EYA4: variants seen among roughly 807,000 people sequenced by gnomAD.
EYA4 encodes the protein protein phosphatase EYA4.
Under a neutral mutation model 87.9 loss-of-function variants are expected in EYA4, and 31 were observed. The ratio of observed to expected loss-of-function variants is 0.35; its 90% CI spans 0.27 to 0.48. The LOEUF (loss-of-function observed/expected upper bound fraction) is 0.48, where lower values mean the gene tolerates loss of function less well. Ranked by LOEUF, EYA4 falls within the 20% of genes least tolerant of loss-of-function variation. EYA4 has a pLI of 0.99. For missense variants in EYA4, 678 were observed against 761.4 expected (o/e 0.89, Z 1.29); for synonymous variants, 263 against 270.6 (o/e 0.97, Z 0.28).
At chr6:133,519,979 G>A (rs560140331) in intron 17 of EYA4, among the ~76,000 whole-genome samples, 10 of 152,134 alleles carry the variant, frequency 6.6e-5, no homozygotes, top group African/African-American at 1.7e-4. Flanking sequence ...TTGATGGGAC[G>A]TATTTCAAAA....
chr6:133,251,514 T>C (rs1774900863), intron 1 of EYA4, among the ~76,000 whole-genome samples: 1 of 152,230 alleles, frequency 6.6e-6, no homozygotes, highest in Non-Finnish European at 1.5e-5. Context: ...GTCTCATTTT[T>C]ACAGCTTGTC....
At chr6:133,297,955 A>C (rs577714168) in intron 2 of EYA4, among the ~76,000 whole-genome samples, 2 of 152,254 alleles carry the variant, frequency 1.3e-5, no homozygotes, top group Admixed American at 1.3e-4. Context: ...TTGTTGCCTG[A>C]ATTACTTATT....
chr6:133,388,494 A>T (rs1583144011), intron 3 of EYA4, among the ~76,000 whole-genome samples: 1 of 151,680 alleles, frequency 6.6e-6, no homozygotes, highest in African/African-American at 2.4e-5. Flanking sequence ...CCAGTAGCTC[A>T]TTGGGAACTC....
intron 2 of EYA4, among the ~76,000 whole-genome samples, chr6:133,350,961 G>A (rs184208365): frequency 1.5e-4 from 22 of 150,972 alleles, no homozygotes; most frequent in Non-Finnish European, 2.1e-4. Context: ...TTATTTCTGG[G>A]CCTATTTCTA....
At chr6:133,314,842 T>G (rs1373334696) in intron 2 of EYA4, among the ~76,000 whole-genome samples, 2 of 152,192 alleles carry the variant, frequency 1.3e-5, no homozygotes, top group East Asian at 3.8e-4. Context: ...CACCCTCCTT[T>G]TAGTAGCTGG....
chr6:133,372,427 T>G lies in EYA4; in HGVS notation c.34-9965T>G, dbSNP rs1421676189. ...TTTAGGATTAAAACCTGAGAAAAGG[T>G]GATTTGTAATCTTTTTTTATAACAA... On this transcript the variant is annotated intron_variant, in intron 2 of 19. Coordinates refer to ENST00000355286, the MANE Select transcript of EYA4 (RefSeq NM_004100.5). 2.0e-5 allele frequency among the ~76,000 whole-genome samples: 3 copies of G among 151,372 alleles called. No homozygotes were observed. The South Asian group carries it at 6.2e-4, about 31-fold the overall frequency.
At chr6:133,274,430 A>G (rs1776999185) in intron 1 of EYA4, among the ~76,000 whole-genome samples, 2 of 152,236 alleles carry the variant, frequency 1.3e-5, no homozygotes, top group Admixed American at 6.5e-5. Context: ...TCAGTAAAAT[A>G]GTGTATTAAC....
intron 2 of EYA4, among the ~76,000 whole-genome samples, chr6:133,299,718 ATAAAATAAAAT>A (rs1166556703): frequency 2.4e-5 from 1 of 41,740 alleles, no homozygotes; most frequent in Admixed American, 2.5e-4. Context: ...TCTCAAAAAA[ATAAAATAAAAT>A]AAAATAAAAT....
intron 3 of EYA4, among the ~76,000 whole-genome samples, chr6:133,389,223 A>G (rs1787043637): frequency 6.6e-6 from 1 of 152,210 alleles, no homozygotes; most frequent in Admixed American, 6.5e-5. Context: ...AAACTGTGAT[A>G]TGAAAGGAGA....
chr6:133,381,064 GT>G (rs1237546958), intron 2 of EYA4, among the ~76,000 whole-genome samples: 3,196 of 99,342 alleles, frequency 0.032, 89 homozygotes, highest in African/African-American at 0.099. Context: ...CTGTGAAACC[GT>G]TTTTTTTTTC....
Position 133,516,173 on chromosome 6 carries a change from G to T in EYA4, c.1616+738G>T, listed in dbSNP as rs536520907. 2.0e-5 allele frequency among the ~76,000 whole-genome samples: 3 copies of T among 152,120 alleles called. No individual in the cohort carries two copies. In the South Asian group the frequency reaches 6.2e-4, roughly 32 times the overall value. On this transcript the variant is annotated intron_variant, in intron 17 of 19. Coordinates refer to ENST00000355286, the MANE Select transcript of EYA4 (RefSeq NM_004100.5). ...TAAATAAAAGCATGCTTAATAAGTG[G>T]GAGCTAAATGATGAGAACTCATGGA...
intron 2 of EYA4, among the ~76,000 whole-genome samples, chr6:133,365,176 G>T (rs959923727): frequency 1.3e-5 from 2 of 152,102 alleles, no homozygotes; most frequent in African/African-American, 4.8e-5. Flanking sequence ...TTAGGATATT[G>T]ATCGCTTGGT....
intron 2 of EYA4, among the ~76,000 whole-genome samples, chr6:133,379,650 G>T (rs762270568): frequency 9.2e-5 from 14 of 152,060 alleles, no homozygotes; most frequent in Admixed American, 7.9e-4. Context: ...CACCCTCTCA[G>T]TTCACCCCAT....
At chr6:133,391,151 G>A (rs1446404385) in intron 3 of EYA4, among the ~76,000 whole-genome samples, 1 of 151,982 alleles carries the variant, frequency 6.6e-6, no homozygotes, top group Non-Finnish European at 1.5e-5. Flanking sequence ...ATTGGTTGCA[G>A]CTACTGTTGT....
chr6:133,395,823 C>A (rs1393794161), intron 3 of EYA4, among the ~76,000 whole-genome samples: 1 of 152,032 alleles, frequency 6.6e-6, no homozygotes, highest in East Asian at 1.9e-4. Context: ...ACTCTGTATC[C>A]CAGCTTACCC....
chr6:133,336,425 A>C (rs1232749550), intron 2 of EYA4, among the ~76,000 whole-genome samples: 4 of 152,306 alleles, frequency 2.6e-5, no homozygotes, highest in Admixed American at 2.6e-4. Flanking sequence ...AGAAGAAAAA[A>C]GTCAAACCTG....
At chr6:133,250,753 A>G (rs1310263634) in intron 1 of EYA4, among the ~76,000 whole-genome samples, 2 of 152,154 alleles carry the variant, frequency 1.3e-5, no homozygotes, top group Non-Finnish European at 2.9e-5. Context: ...ACTGAAACAG[A>G]TTTTGCTTCA....
chr6:133,296,262 G>A (rs1778937331), intron 2 of EYA4, among the ~76,000 whole-genome samples: 1 of 152,238 alleles, frequency 6.6e-6, no homozygotes, highest in Non-Finnish European at 1.5e-5. Flanking sequence ...CAAGGTCCAA[G>A]AGGTGGTGTG....
intron 2 of EYA4, among the ~76,000 whole-genome samples, chr6:133,323,781 G>T (rs144232233): frequency 1.7e-4 from 26 of 152,138 alleles, no homozygotes; most frequent in African/African-American, 6.3e-4. Flanking sequence ...AAATAATAAA[G>T]AAACTATAAT....
Sources: allele counts gnomAD v4.1 joint callset (sites outside exome capture counted in the v4.1 genomes callset), GRCh38; gene constraint gnomAD v4.1.1; transcripts MANE v1.5; gene names NCBI Gene and HGNC (gene_info 2026-07-23, HGNC 2026-07-21).